GALNT13: variants seen among roughly 807,000 people sequenced by gnomAD.
GALNT13 encodes polypeptide N-acetylgalactosaminyltransferase 13.
GALNT13 carries 28 observed loss-of-function variants against 64.2 expected under a neutral mutation model. That is an observed-to-expected ratio of 0.44 (90% CI 0.32 to 0.60). The LOEUF (loss-of-function observed/expected upper bound fraction) is 0.60, where lower values mean the gene tolerates loss of function less well. Among genes scored for constraint, GALNT13 ranks in the 20% least tolerant of loss-of-function variants. The pLI is 0.05. For synonymous variants in GALNT13, 214 were observed against 224.6 expected, an observed-to-expected ratio of 0.95 and a Z score of 0.42; for missense variants, 577 against 669.8, an observed-to-expected ratio of 0.86 and a Z score of 1.53.
chr2:153,525,532 C>T, the GALNT13 span, among the ~76,000 whole-genome samples: 1 of 152,160 alleles, frequency 6.6e-6, no homozygotes, highest in Non-Finnish European at 1.5e-5. Context: ...AGCTCTACCT[C>T]CTGTCATATC....
chr2:153,573,976 C>T, the GALNT13 span, among the ~76,000 whole-genome samples: 10 of 152,020 alleles, frequency 6.6e-5, no homozygotes, highest in Non-Finnish European at 1.0e-4. Context: ...CATTAATGTC[C>T]TTTTCTGTCT....
chr2:154,301,123 A>G (rs2105095150), intron 8 of GALNT13, among the ~76,000 whole-genome samples: 1 of 152,310 alleles, frequency 6.6e-6, no homozygotes, highest in East Asian at 1.9e-4. Context: ...AAATCTACTA[A>G]CTAGCAATTA....
At chr2:154,166,903 C>T (rs1417146734) in intron 4 of GALNT13, among the ~76,000 whole-genome samples, 1 of 151,852 alleles carries the variant, frequency 6.6e-6, no homozygotes, top group Non-Finnish European at 1.5e-5. Flanking sequence ...CGCATGTTCT[C>T]ACTCATAGGT....
chr2:153,952,098 A>T (rs1312800800), intron 3 of GALNT13, among the ~76,000 whole-genome samples: 1 of 152,168 alleles, frequency 6.6e-6, no homozygotes, highest in African/African-American at 2.4e-5. Flanking sequence ...TGCACTAAAG[A>T]TATTTCTGAC....
At chr2:154,075,365 G>C (rs1461675201) in intron 3 of GALNT13, among the ~76,000 whole-genome samples, 1 of 151,350 alleles carries the variant, frequency 6.6e-6, no homozygotes, top group Non-Finnish European at 1.5e-5. Context: ...TCCTCTTTAG[G>C]TTTCGAGATA....
At chr2:154,323,465 A>G (rs1437505345) in intron 9 of GALNT13, among the ~76,000 whole-genome samples, 2 of 152,032 alleles carry the variant, frequency 1.3e-5, no homozygotes, top group African/African-American at 4.8e-5. Context: ...ATAGACAACT[A>G]TTGCATTTTG....
At chr2:153,068,352 C>T in the GALNT13 span, among the ~76,000 whole-genome samples, 2 of 152,132 alleles carry the variant, frequency 1.3e-5, no homozygotes, top group Non-Finnish European at 2.9e-5. Context: ...GCTTTCAGAC[C>T]CAGAACTCGG....
chr2:153,255,065 G>A, the GALNT13 span, among the ~76,000 whole-genome samples: 6 of 152,194 alleles, frequency 3.9e-5, no homozygotes, highest in South Asian at 2.1e-4. Context: ...TGTTGACAGC[G>A]GGGTGTGAAA....
chr2:153,555,385 G>A, the GALNT13 span, among the ~76,000 whole-genome samples: 7 of 116,064 alleles, frequency 6.0e-5, 1 homozygote, highest in African/African-American at 2.0e-4. Context: ...TAGTAGAGAC[G>A]GGGTTTCACC....
At chr2:153,228,394 C>A in the GALNT13 span, among the ~76,000 whole-genome samples, 14 of 152,028 alleles carry the variant, frequency 9.2e-5, no homozygotes, top group African/African-American at 3.1e-4. Context: ...TTTTTTGGCA[C>A]CTTAATGAAC....
chr2:154,275,192 G>A (rs1177355810), intron 8 of GALNT13, among the ~76,000 whole-genome samples: 1 of 152,168 alleles, frequency 6.6e-6, no homozygotes, highest in Admixed American at 6.5e-5. Context: ...CCCATTTTCT[G>A]TGGAGAAATT....
At chr2:154,270,517 T>C (rs1369603192) in intron 8 of GALNT13, among the ~76,000 whole-genome samples, 1 of 151,852 alleles carries the variant, frequency 6.6e-6, no homozygotes, top group Non-Finnish European at 1.5e-5. Flanking sequence ...AAGAGATTAC[T>C]AACATGAAAA....
At chr2:153,609,091 T>G in the GALNT13 span, among the ~76,000 whole-genome samples, 1 of 148,076 alleles carries the variant, frequency 6.8e-6, no homozygotes, top group Non-Finnish European at 1.5e-5. Flanking sequence ...TAAGTTTTTT[T>G]GTTTGTTTGT....
Position 154,295,882 on chromosome 2 carries a change from C to A in GALNT13, c.976-5527C>A, listed in dbSNP as rs573761861. On this transcript the variant is annotated intron_variant, in intron 8 of 12. Transcript: ENST00000392825. ...TTCTGATAAGTTTGATGATGGCTTGCCGTTGTTGGCTTCATATGGTTCCAC... is the reference window on the plus strand; with the variant it reads ...TTCTGATAAGTTTGATGATGGCTTGACGTTGTTGGCTTCATATGGTTCCAC... Among the ~76,000 whole-genome samples, 6 of 152,244 alleles carry A rather than the reference C, an allele frequency of 3.9e-5. No homozygotes were observed. The South Asian group carries it at 1.2e-3, about 32-fold the overall frequency.
At chr2:153,201,382 C>T in the GALNT13 span, among the ~76,000 whole-genome samples, 2 of 152,302 alleles carry the variant, frequency 1.3e-5, no homozygotes, top group African/African-American at 4.8e-5. Context: ...AAACGGAAAG[C>T]TAAACAATAG....
At chr2:153,099,558 G>T in the GALNT13 span, among the ~76,000 whole-genome samples, 1 of 152,150 alleles carries the variant, frequency 6.6e-6, no homozygotes, top group Admixed American at 6.6e-5. Context: ...AAAATATTTA[G>T]ATGAAGTAAT....
chr2:154,198,058 T>C (rs141241098), intron 4 of GALNT13, among the ~76,000 whole-genome samples: 1 of 151,968 alleles, frequency 6.6e-6, no homozygotes, highest in Non-Finnish European at 1.5e-5. Context: ...AGACATAACA[T>C]TGAAGAAAAA....
chr2:153,176,438 G>A, the GALNT13 span, among the ~76,000 whole-genome samples: 34 of 152,018 alleles, frequency 2.2e-4, no homozygotes, highest in Admixed American at 5.9e-4. Flanking sequence ...AATGATTAAC[G>A]TTAAAGAGAA....
chr2:153,920,588 C>T lies in GALNT13; in HGVS notation c.-105+19581C>T, dbSNP rs140775224. The stretch of plus-strand genomic sequence containing the variant: ...CTAGAAACTGGCAAAGATTTTATAA[C>T]AAAGATCCCAAAACCACTGCAACAA... On this transcript the variant is annotated intron_variant, in intron 2 of 12. Coordinates refer to ENST00000392825, the MANE Select transcript of GALNT13 (RefSeq NM_052917.4). 4.1e-3 allele frequency among the ~76,000 whole-genome samples: 617 copies of T among 152,072 alleles called. 3 individuals carry two copies. Among genetic ancestry groups the T allele is most frequent in the African/African-American group, 0.014 (590 of 41,516 alleles).
Sources: gnomAD v4.1 joint callset for allele counts (sites outside exome capture counted in the v4.1 genomes callset) on GRCh38, gnomAD v4.1.1 for gene constraint, MANE v1.5 for transcripts, NCBI Gene and HGNC (gene_info 2026-07-23, HGNC 2026-07-21) for gene names.